DOCK2: variants seen among roughly 807,000 people sequenced by gnomAD.
DOCK2 encodes the protein dedicator of cytokinesis 2, also known as dedicator of cytokinesis protein 2.
Under a neutral mutation model 248.9 loss-of-function variants are expected in DOCK2, and 87 were observed. The ratio of observed to expected loss-of-function variants is 0.35; its 90% confidence interval spans 0.29 to 0.42. The LOEUF is 0.42. Among genes scored for constraint, DOCK2 ranks in the 10% least tolerant of loss-of-function variants. DOCK2 has a pLI of 1.00. For missense variants in DOCK2, 1,747 were observed against 2,300.2 expected (o/e 0.76, Z 4.92); for synonymous variants, 805 against 821.6 (o/e 0.98, Z 0.35).
chr5:169,796,401 T>G (rs967987122), intron 25 of DOCK2, among the ~76,000 whole-genome samples: 7 of 152,200 alleles, frequency 4.6e-5, no homozygotes, highest in African/African-American at 7.2e-5. Flanking sequence ...GCATATCCCA[T>G]GGAAATTGCA....
intron 32 of DOCK2, among the ~76,000 whole-genome samples, chr5:170,015,240 C>T (rs1303998769): frequency 6.6e-6 from 1 of 152,202 alleles, no homozygotes; most frequent in Non-Finnish European, 1.5e-5. Context: ...CCTTCGTTTG[C>T]ACTTAAGCTT....
chr5:169,950,336 A>G (rs1776608031), intron 27 of DOCK2, among the ~76,000 whole-genome samples: 1 of 152,230 alleles, frequency 6.6e-6, no homozygotes, highest in Non-Finnish European at 1.5e-5. Flanking sequence ...GAGCATTGAT[A>G]TATGCAAAGC....
chr5:169,770,126 C>T lies in DOCK2; in HGVS notation c.2554+8501C>T, dbSNP rs181696220. On this transcript the variant is annotated intron_variant, in intron 25 of 51. Transcript: ENST00000520908. ...CAAAATACATCTTATTATTGATCCA[C>T]ACAAGACATGCTTTTATTTATTTAA... is the stretch of plus-strand genomic sequence containing the variant. 3.3e-5 allele frequency among the ~76,000 whole-genome samples: 5 copies of T among 152,256 alleles called. No individual in the cohort carries two copies. The East Asian group carries it at 9.6e-4, about 29-fold the overall frequency.
rs185264155 is a variant in DOCK2 at position 169,788,243 on chromosome 5, A to G, written c.2555-14815A>G. Among the ~76,000 whole-genome samples, 69 of 152,298 alleles carry G rather than the reference A, an allele frequency of 4.5e-4. 1 individual carries two copies. Among genetic ancestry groups the G allele is most frequent in the Admixed American group, 3.5e-3 (54 of 15,304 alleles). On this transcript the variant is annotated intron_variant, in intron 25 of 51. Coordinates refer to ENST00000520908, the MANE Select transcript of DOCK2 (RefSeq NM_004946.3). The stretch of plus-strand genomic sequence containing the variant: ...CCTGTACACCCGTGTGTCATATGGA[A>G]TGCTTGGCATTTGGCAGACGCTTGA...
intron 2 of DOCK2, 58 bp from the exon 3 acceptor site, chr5:169,669,230 A>T: frequency 6.6e-7 from 1 of 1,518,646 alleles, no homozygotes; most frequent in Non-Finnish European, 9.1e-7. Context: ...AAACAGAAAA[A>T]CACTAGCAAC....
chr5:169,806,856 C>T (rs1767396182), intron 26 of DOCK2, among the ~76,000 whole-genome samples: 1 of 146,070 alleles, frequency 6.8e-6, no homozygotes, highest in South Asian at 2.2e-4. Context: ...CCCACCTCCA[C>T]CCCCCACCAT....
intron 51 of DOCK2, among the ~76,000 whole-genome samples, chr5:170,082,204 C>G (rs1316694147): frequency 1.3e-5 from 2 of 152,140 alleles, no homozygotes; most frequent in Non-Finnish European, 2.9e-5. Context: ...TTGACCCCAG[C>G]TAGGGATGTG....
In DOCK2 at chr5:169,702,322, C is replaced by T. The variant is rs1761017650; in HGVS notation, c.1278C>T (p.Ile426=). The part of the protein sequence containing the change: ...IIMPGDVRND[I]YITLLQGDFD... ...CCTCAGGGGATGTCAGGAACGACAT[C>T]TACATTACTCTCTTACAAGGTGACT... Residue 426 remains isoleucine (I), a synonymous_variant, in exon 14 of 52, where the codon ATC becomes ATT. Coordinates refer to ENST00000520908, the MANE Select transcript of DOCK2 (RefSeq NM_004946.3). The T allele has an allele frequency of 6.2e-7, 1 of 1,613,890 alleles. No individual in the cohort carries two copies. The highest frequency in any genetic ancestry group is 1.1e-5 in the South Asian group (1 of 91,080).
At chr5:169,708,780 G>A (rs1003810651) in intron 15 of DOCK2, among the ~76,000 whole-genome samples, 4 of 152,134 alleles carry the variant, frequency 2.6e-5, no homozygotes, top group African/African-American at 9.7e-5. Flanking sequence ...GGCCAGGCTG[G>A]TCTCAAACTC....
At chr5:169,786,849 T>C (rs1367771457) in intron 25 of DOCK2, among the ~76,000 whole-genome samples, 1 of 152,204 alleles carries the variant, frequency 6.6e-6, no homozygotes, top group East Asian at 1.9e-4. Context: ...AATTTACATA[T>C]AGAAAAATGC....
intron 20 of DOCK2, among the ~76,000 whole-genome samples, chr5:169,716,732 T>C (rs1052408243): frequency 1.1e-4 from 17 of 152,342 alleles, no homozygotes; most frequent in Admixed American, 2.6e-4. Context: ...CCCAGAACTT[T>C]TCATGATGCT....
chr5:169,787,571 T>C (rs1323798192), intron 25 of DOCK2, among the ~76,000 whole-genome samples: 1 of 152,182 alleles, frequency 6.6e-6, no homozygotes, highest in African/African-American at 2.4e-5. Flanking sequence ...CTTTTGATAG[T>C]CTAAAAATTT....
At chr5:169,906,223 A>C (rs1774268106) in intron 27 of DOCK2, among the ~76,000 whole-genome samples, 1 of 152,188 alleles carries the variant, frequency 6.6e-6, no homozygotes, top group South Asian at 2.1e-4. Context: ...TTCTGACGTC[A>C]AACGCAAGCT....
intron 27 of DOCK2, among the ~76,000 whole-genome samples, chr5:169,917,306 T>C (rs1164860807): frequency 6.6e-6 from 1 of 152,148 alleles, no homozygotes; most frequent in African/African-American, 2.4e-5. Flanking sequence ...CACCCAAGTG[T>C]CAATAAATAC....
intron 26 of DOCK2, among the ~76,000 whole-genome samples, chr5:169,827,092 CA>C (rs2113271139): frequency 6.6e-6 from 1 of 152,220 alleles, no homozygotes; most frequent in African/African-American, 2.4e-5. Context: ...GTCTCATCAC[CA>C]GAGACTTAGA....
At chr5:169,806,410 AAG>A (rs1561715238) in intron 26 of DOCK2, among the ~76,000 whole-genome samples, 1 of 151,938 alleles carries the variant, frequency 6.6e-6, no homozygotes, top group Non-Finnish European at 1.5e-5. Context: ...TGGCCTCCCA[AAG>A]TGCTGGGATT....
chr5:170,073,263 C>T (rs895879621), intron 46 of DOCK2, among the ~76,000 whole-genome samples: 4 of 151,946 alleles, frequency 2.6e-5, no homozygotes, highest in Non-Finnish European at 5.9e-5. Context: ...ACTTTTGACC[C>T]CCCAAATTGA....
chr5:169,779,202 C>G (rs1036620943), intron 25 of DOCK2: 12 of 152,170 alleles, frequency 7.9e-5, no homozygotes, highest in African/African-American at 2.9e-4. Flanking sequence ...GGAAAAAAGG[C>G]CCTGAAAGAG....
intron 9 of DOCK2, among the ~76,000 whole-genome samples, chr5:169,692,649 A>G (rs375736394): frequency 1.3e-5 from 2 of 152,296 alleles, no homozygotes; most frequent in Admixed American, 6.5e-5. Context: ...GGAATCTTCT[A>G]GGTTTATGTA....
Sources: allele counts gnomAD v4.1 joint callset (sites outside exome capture counted in the v4.1 genomes callset), GRCh38; gene constraint gnomAD v4.1.1; transcripts MANE v1.5; gene names NCBI Gene and HGNC (gene_info 2026-07-23, HGNC 2026-07-21).